Variants in CCDC172 observed in about 807,000 individuals in gnomAD.
The protein encoded by CCDC172 is coiled-coil domain-containing protein 172.
A neutral mutation model predicts 38.0 loss-of-function variants in CCDC172; 30 were observed. That is an observed-to-expected ratio of 0.79 (90% CI 0.59 to 1.07). The LOEUF (loss-of-function observed/expected upper bound fraction) is 1.07, where lower values mean the gene tolerates loss of function less well. Among genes scored for constraint, CCDC172 ranks in the 50% least tolerant of loss-of-function variants. CCDC172 has a pLI of 0.00. For synonymous variants in CCDC172, 78 were observed against 88.3 expected, an observed-to-expected ratio of 0.88 and a Z score of 0.66; for missense variants, 297 against 290.1, an observed-to-expected ratio of 1.02 and a Z score of -0.17.
At chr10:116,334,496 A>G (rs1844705332) in intron 3 of CCDC172, among the ~76,000 whole-genome samples, 1 of 152,124 alleles carries the variant, frequency 6.6e-6, no homozygotes, top group African/African-American at 2.4e-5. Context: ...TTTTTCTTAA[A>G]TAATTTGCTT....
chr10:116,328,674 T>C (rs966498352), intron 3 of CCDC172, among the ~76,000 whole-genome samples: 1 of 152,138 alleles, frequency 6.6e-6, no homozygotes, highest in Non-Finnish European at 1.5e-5. Flanking sequence ...GAATATTTCA[T>C]GAATTTTTAA....
chr10:116,352,489 A>G (rs1844943106), intron 5 of CCDC172, among the ~76,000 whole-genome samples: 1 of 152,212 alleles, frequency 6.6e-6, no homozygotes, highest in Admixed American at 6.5e-5. Flanking sequence ...ACTCAAGGAC[A>G]TGAGCATAAT....
chr10:116,358,998 CTT>C (rs1396532514), intron 7 of CCDC172, among the ~76,000 whole-genome samples: 1 of 152,118 alleles, frequency 6.6e-6, no homozygotes, highest in African/African-American at 2.4e-5. Context: ...CAAATGATGA[CTT>C]AGGAAATTTG....
intron 7 of CCDC172, among the ~76,000 whole-genome samples, chr10:116,358,907 AG>A (rs1192877465): frequency 2.0e-5 from 3 of 152,058 alleles, no homozygotes; most frequent in Non-Finnish European, 4.4e-5. Flanking sequence ...CCAGTTTTGT[AG>A]GTTTATCACT....
chr10:116,374,436 GTAT>G lies in CCDC172; in HGVS notation c.654-3982_654-3980del, dbSNP rs575897291. ...CATAATTGTTCTATTTTATTATTAG[GTAT>G]TATTGATAATATCTTTCTGTGCCTA... On this transcript the variant is annotated intron_variant, in intron 7 of 8. Coordinates refer to ENST00000333254, the MANE Select transcript of CCDC172 (RefSeq NM_198515.3). Among the ~76,000 whole-genome samples the G allele has an allele frequency of 7.4e-3, 1,117 of 151,726 alleles. 10 individuals carry two copies. The highest frequency in any genetic ancestry group is 0.025 in the African/African-American group (1,039 of 41,338).
At chr10:116,354,269 CTA>C (rs1437121149) in intron 5 of CCDC172, among the ~76,000 whole-genome samples, 4 of 152,162 alleles carry the variant, frequency 2.6e-5, no homozygotes, top group African/African-American at 7.2e-5. Flanking sequence ...TAATAAATGA[CTA>C]TGTCACTGGT....
intron 3 of CCDC172, among the ~76,000 whole-genome samples, chr10:116,335,824 C>G (rs1844723577): frequency 6.6e-6 from 1 of 151,896 alleles, no homozygotes; most frequent in East Asian, 1.9e-4. Flanking sequence ...TTTACTAAAC[C>G]CTTTTTTTTA....
At chr10:116,342,318 T>C in intron 5 of CCDC172, 117 bp downstream of exon 5, 1 of 756,042 alleles carries the variant, frequency 1.3e-6, no homozygotes, top group Non-Finnish European at 2.1e-6. Flanking sequence ...GCATAGCGAT[T>C]CTTTTACTTT....
At chr10:116,354,346 G>A (rs1256057470) in intron 5 of CCDC172, among the ~76,000 whole-genome samples, 1 of 150,784 alleles carries the variant, frequency 6.6e-6, no homozygotes, top group Non-Finnish European at 1.5e-5. Context: ...ATTAAAAAAA[G>A]TTAACTGTAA....
intron 5 of CCDC172, among the ~76,000 whole-genome samples, chr10:116,355,866 G>T (rs1035646376): frequency 2.0e-5 from 3 of 151,388 alleles, no homozygotes; most frequent in Middle Eastern, 3.2e-3. Context: ...TTTCTTTGGT[G>T]GGGGGAGTGA....
intron 7 of CCDC172, among the ~76,000 whole-genome samples, chr10:116,363,463 A>G (rs540866433): frequency 1.3e-5 from 2 of 152,332 alleles, no homozygotes; most frequent in African/African-American, 4.8e-5. Flanking sequence ...TACTTTAAAT[A>G]GAATAATTTT....
intron 5 of CCDC172, among the ~76,000 whole-genome samples, chr10:116,349,058 C>G (rs1381317206): frequency 1.3e-5 from 2 of 152,048 alleles, no homozygotes; most frequent in Non-Finnish European, 2.9e-5. Flanking sequence ...ATTAGATTCT[C>G]GAACATAAAC....
At chr10:116,354,581 G>C (rs1044538715) in intron 5 of CCDC172, among the ~76,000 whole-genome samples, 1 of 151,894 alleles carries the variant, frequency 6.6e-6, no homozygotes, top group Non-Finnish European at 1.5e-5. Flanking sequence ...AAAATTAGCC[G>C]GGCATGGTGG....
chr10:116,366,877 C>T (rs142825024), intron 7 of CCDC172, among the ~76,000 whole-genome samples: 1 of 152,328 alleles, frequency 6.6e-6, no homozygotes, highest in African/African-American at 2.4e-5. Context: ...GATGGTATTT[C>T]ATGATCTCTA....
intron 3 of CCDC172, among the ~76,000 whole-genome samples, chr10:116,338,018 A>C (rs1844751352): frequency 6.6e-6 from 1 of 152,222 alleles, no homozygotes; most frequent in South Asian, 2.1e-4. Context: ...ATTTCTGAAG[A>C]GTTAGTAACT....
rs572998577 is a variant in CCDC172 at position 116,361,312 on chromosome 10, G to A, written c.653+3374G>A. On this transcript the variant is annotated intron_variant, in intron 7 of 8. Transcript: ENST00000333254. ...TATTTTTTGTTATTACCCAACACGA[G>A]GTTTACCAAAATGCACAGTTCTTGA... Among the ~76,000 whole-genome samples, 16 of 152,010 alleles carry A rather than the reference G, an allele frequency of 1.1e-4. No homozygotes were observed. The South Asian group carries it at 3.1e-3, about 30-fold the overall frequency.
chr10:116,325,055 A>G lies in CCDC172; in HGVS notation c.44A>G (p.His15Arg). 1.2e-6 allele frequency: 2 copies of G among 1,614,100 alleles called. No homozygotes were observed. Among genetic ancestry groups the G allele is most frequent in the South Asian group, 1.1e-5 (1 of 91,084 alleles). The change falls in exon 2 of 9, where the codon CAT becomes CGT. Residue 15 changes from histidine to arginine, a missense_variant. Physicochemically the swap from His to Arg is conservative, Grantham distance 29. Coordinates refer to ENST00000333254, the MANE Select transcript of CCDC172 (RefSeq NM_198515.3). ...TTTCAGCACATCATCTTCACCGAGCATCAGGCGGAGGAGAGTCGCCGTTTG... is the reference window on the plus strand; with the variant it reads ...TTTCAGCACATCATCTTCACCGAGCGTCAGGCGGAGGAGAGTCGCCGTTTG... The part of the protein sequence containing the change: ...SLFQHIIFTE[H>R]QAEESRRLMR...
chr10:116,339,511 C>T (rs1844768524), intron 3 of CCDC172, among the ~76,000 whole-genome samples: 1 of 151,932 alleles, frequency 6.6e-6, no homozygotes, highest in African/African-American at 2.4e-5. Flanking sequence ...ACTAACCACC[C>T]TATTATTCCT....
intron 3 of CCDC172, among the ~76,000 whole-genome samples, chr10:116,333,005 A>T (rs1844684756): frequency 6.6e-6 from 1 of 152,058 alleles, no homozygotes; most frequent in African/African-American, 2.4e-5. Context: ...ATTTTTAAAA[A>T]TTTCAGCTTG....
Sources: allele counts gnomAD v4.1 joint callset (sites outside exome capture counted in the v4.1 genomes callset), GRCh38; gene constraint gnomAD v4.1.1; transcripts MANE v1.5; gene names NCBI Gene and HGNC (gene_info 2026-07-23, HGNC 2026-07-21).